Variants in DAPK1 observed in about 807,000 individuals in gnomAD.
DAPK1 encodes the protein death associated protein kinase 1.
Under a neutral mutation model 144.9 loss-of-function variants are expected in DAPK1, and 56 were observed. That is an observed-to-expected ratio of 0.39 (90% CI 0.31 to 0.48). The LOEUF (loss-of-function observed/expected upper bound fraction) is 0.48, where lower values mean the gene tolerates loss of function less well. DAPK1 is among the 20% of genes least tolerant of loss of function. The pLI is 0.95. For missense variants in DAPK1, 1,454 were observed against 1,875.4 expected (o/e 0.78, Z 4.15); for synonymous variants, 690 against 749.0 (o/e 0.92, Z 1.29).
At chr9:87,607,887 A>G (rs938690864) in intron 3 of DAPK1, among the ~76,000 whole-genome samples, 36 of 152,220 alleles carry the variant, frequency 2.4e-4, no homozygotes, top group African/African-American at 8.7e-4. Flanking sequence ...TAATTTGTGA[A>G]GAAAAGAGAT....
intron 13 of DAPK1, among the ~76,000 whole-genome samples, chr9:87,646,800 C>T (rs953578366): frequency 6.6e-6 from 1 of 152,108 alleles, no homozygotes; most frequent in African/African-American, 2.4e-5. Flanking sequence ...TGTACACTAC[C>T]CAGATTTTAC....
At chr9:87,699,141 G>A (rs1480636850) in intron 23 of DAPK1, among the ~76,000 whole-genome samples, 1 of 152,190 alleles carries the variant, frequency 6.6e-6, no homozygotes, top group Non-Finnish European at 1.5e-5. Flanking sequence ...GAACATTTCA[G>A]ATTTCTGGAT....
chr9:87,625,937 A>G (rs1346959405), intron 3 of DAPK1, among the ~76,000 whole-genome samples: 3 of 152,208 alleles, frequency 2.0e-5, no homozygotes, highest in Non-Finnish European at 4.4e-5. Flanking sequence ...CCATCAGTCA[A>G]TTAAAGTTAA....
chr9:87,647,486 C>T (rs1382912686), intron 14 of DAPK1, 83 bp downstream of exon 14: 27 of 1,159,810 alleles, frequency 2.3e-5, no homozygotes, highest in Non-Finnish European at 3.5e-5. Flanking sequence ...CCGTGTGCAT[C>T]GGGACCCAAA....
chr9:87,590,419 G>T (rs900715462), intron 2 of DAPK1, among the ~76,000 whole-genome samples: 2 of 150,522 alleles, frequency 1.3e-5, no homozygotes, highest in Admixed American at 1.3e-4. Flanking sequence ...AAGCTAAAAG[G>T]GTTGCCTAAT....
In DAPK1 at chr9:87,564,652, G is replaced by C. The variant is rs367918014; in HGVS notation, c.63-40302G>C. Among the ~76,000 whole-genome samples the C allele has an allele frequency of 3.4e-3, 515 of 151,928 alleles. 4 individuals are homozygous for C. The highest frequency in any genetic ancestry group is 0.012 in the African/African-American group (492 of 41,410). The stretch of plus-strand genomic sequence containing the variant: ...GGAGGGAGGGAGGAAGGGAGAGAGA[G>C]AGATTGAGAAAAAGAAAGAGAGAGA... On this transcript the variant is annotated intron_variant, in intron 2 of 25. Transcript: ENST00000408954.
At chr9:87,633,166 T>C (rs1829771434) in intron 3 of DAPK1, 2 of 983,086 alleles carry the variant, frequency 2.0e-6, no homozygotes, top group Non-Finnish European at 2.4e-6. Context: ...TGAGTATATA[T>C]GTAGGGATGA....
intron 2 of DAPK1, among the ~76,000 whole-genome samples, chr9:87,588,597 C>A (rs1233659935): frequency 6.6e-6 from 1 of 152,184 alleles, no homozygotes; most frequent in Admixed American, 6.5e-5. Context: ...AGCATTCTTT[C>A]TCCCAACTGT....
chr9:87,554,619 G>A (rs376907593), intron 2 of DAPK1, among the ~76,000 whole-genome samples: 9 of 152,274 alleles, frequency 5.9e-5, no homozygotes, highest in Admixed American at 3.9e-4. Context: ...GACTTAGGGC[G>A]CTCATGTAGA....
At chr9:87,550,603 C>T (rs1171148652) in intron 2 of DAPK1, among the ~76,000 whole-genome samples, 3 of 152,224 alleles carry the variant, frequency 2.0e-5, no homozygotes, top group Admixed American at 1.3e-4. Context: ...CAACCTACTG[C>T]AGGATGAACC....
intron 2 of DAPK1, among the ~76,000 whole-genome samples, chr9:87,556,865 C>T (rs1826738994): frequency 6.6e-6 from 1 of 152,168 alleles, no homozygotes; most frequent in African/African-American, 2.4e-5. Context: ...CTGGGCAGAG[C>T]CTTTGCAGGC....
intron 2 of DAPK1, chr9:87,554,475 A>G (rs917658475): frequency 2.0e-5 from 3 of 152,024 alleles, no homozygotes; most frequent in African/African-American, 7.2e-5. Context: ...TACTTCATCT[A>G]GGAAATTCAG....
intron 20 of DAPK1, among the ~76,000 whole-genome samples, chr9:87,685,644 A>G (rs1203184223): frequency 1.3e-5 from 2 of 152,342 alleles, no homozygotes; most frequent in East Asian, 3.9e-4. Flanking sequence ...ACAGTGAGGA[A>G]GCACAGGCTC....
chr9:87,548,380 A>T (rs1325875834), intron 2 of DAPK1, among the ~76,000 whole-genome samples: 1 of 152,184 alleles, frequency 6.6e-6, no homozygotes, highest in African/African-American at 2.4e-5. Flanking sequence ...GTAAAATGGG[A>T]ATGATGATTC....
chr9:87,499,191 A>G, intron 2 of DAPK1, 52 bp downstream of exon 2: 1 of 1,467,838 alleles, frequency 6.8e-7, no homozygotes, highest in Non-Finnish European at 9.5e-7. Context: ...ATGCATAACG[A>G]TGGGGCCATT....
At chr9:87,614,217 C>G (rs773292620) in intron 3 of DAPK1, among the ~76,000 whole-genome samples, 1 of 152,090 alleles carries the variant, frequency 6.6e-6, no homozygotes, top group African/African-American at 2.4e-5. Flanking sequence ...GATTTCTGCA[C>G]GGTCTTAAGA....
chr9:87,651,193 T>A (rs546649381), intron 16 of DAPK1, among the ~76,000 whole-genome samples: 1 of 152,248 alleles, frequency 6.6e-6, no homozygotes, highest in Non-Finnish European at 1.5e-5. Context: ...CAAATGTTTT[T>A]AAAAGTGTTT....
At position 87,606,612 on chromosome 9, in the gene DAPK1, CCT is replaced by C. The variant is rs1408153333; in HGVS notation, c.284+1447_284+1448del. Among the ~76,000 whole-genome samples the C allele has an allele frequency of 4.1e-3, 491 of 119,186 alleles. 4 individuals carry two copies. Among genetic ancestry groups the C allele is most frequent in the Non-Finnish European group, 7.0e-3 (392 of 55,780 alleles). The allele number at this position is 119,186 out of a possible 152,430, so 78.2% of individuals were successfully genotyped here. ...TCCTTCCTTCCTCCCTCCCTCCCTC[CCT>C]CTCTCTCTCCCTCCTTTTCTCCCTC... On this transcript the variant is annotated intron_variant, in intron 3 of 25. Coordinates refer to ENST00000408954, the MANE Select transcript of DAPK1 (RefSeq NM_004938.4).
At chr9:87,611,224 A>C (rs1828913695) in intron 3 of DAPK1, among the ~76,000 whole-genome samples, 1 of 152,214 alleles carries the variant, frequency 6.6e-6, no homozygotes, top group South Asian at 2.1e-4. Flanking sequence ...CATGCATCAG[A>C]ATTGCCTGAA....
Sources: gnomAD v4.1 joint callset for allele counts (sites outside exome capture counted in the v4.1 genomes callset) on GRCh38, gnomAD v4.1.1 for gene constraint, MANE v1.5 for transcripts, NCBI Gene and HGNC (gene_info 2026-07-23, HGNC 2026-07-21) for gene names.